Variants in PPM1B observed in about 807,000 individuals in gnomAD.
PPM1B encodes the protein protein phosphatase 1B.
PPM1B carries 22 observed loss-of-function variants against 43.0 expected under a neutral mutation model. That is an observed-to-expected ratio of 0.51 (90% CI 0.37 to 0.73). The LOEUF is 0.73. PPM1B is among the 30% of genes least tolerant of loss of function. PPM1B has a pLI of 0.00. For synonymous variants in PPM1B, 217 were observed against 197.9 expected (o/e 1.10, Z -0.81); for missense variants, 632 against 584.2 (o/e 1.08, Z -0.84).
chr2:44,210,912 C>T (rs893742785), intron 3 of PPM1B, among the ~76,000 whole-genome samples: 12 of 152,090 alleles, frequency 7.9e-5, no homozygotes, highest in South Asian at 2.1e-4. Context: ...CTGAGGTGCA[C>T]GGCTCACGAG....
chr2:44,208,456 T>TA (rs1353315521), intron 2 of PPM1B, among the ~76,000 whole-genome samples: 1 of 151,968 alleles, frequency 6.6e-6, no homozygotes, highest in African/African-American at 2.4e-5. Context: ...CTCATGCCTA[T>TA]AATCCCAGCA....
intron 5 of PPM1B, among the ~76,000 whole-genome samples, chr2:44,243,621 C>A (rs1323053942): frequency 6.6e-6 from 1 of 152,072 alleles, no homozygotes; most frequent in Non-Finnish European, 1.5e-5. Flanking sequence ...ATAAGCCAAT[C>A]TTTTCTCATT....
chr2:44,220,957 TGTG>T (rs927858243), intron 5 of PPM1B, among the ~76,000 whole-genome samples: 4 of 152,224 alleles, frequency 2.6e-5, no homozygotes, highest in Non-Finnish European at 5.9e-5. Flanking sequence ...AGAGAACTGT[TGTG>T]GTGAAAAATA....
intron 1 of PPM1B, among the ~76,000 whole-genome samples, chr2:44,183,475 C>G (rs887143931): frequency 2.0e-5 from 3 of 152,162 alleles, no homozygotes; most frequent in Admixed American, 6.5e-5. Context: ...TCAAGTACAG[C>G]TGGATACTGG....
chr2:44,223,985 A>C (rs1445638291), intron 5 of PPM1B, among the ~76,000 whole-genome samples: 1 of 152,138 alleles, frequency 6.6e-6, no homozygotes, highest in African/African-American at 2.4e-5. Flanking sequence ...ATGATTCTTC[A>C]AGTAACATGT....
chr2:44,187,052 T>G (rs1383441039), intron 1 of PPM1B, among the ~76,000 whole-genome samples: 1 of 152,230 alleles, frequency 6.6e-6, no homozygotes, highest in East Asian at 1.9e-4. Flanking sequence ...CTTGCAAAAC[T>G]GAAACTCTAT....
At chr2:44,178,490 A>G (rs1194516057) in intron 1 of PPM1B, among the ~76,000 whole-genome samples, 2 of 144,750 alleles carry the variant, frequency 1.4e-5, no homozygotes, top group East Asian at 4.0e-4. Flanking sequence ...TTTTTTAGAC[A>G]GAGTTTCGCT....
Position 44,217,938 on chromosome 2 carries a change from T to C in PPM1B, c.965-29T>C, listed in dbSNP as rs573887228. 1.0e-4 allele frequency: 154 copies of C among 1,488,110 alleles called. 1 individual carries two copies. In the South Asian group the frequency reaches 1.9e-3, roughly 18 times the overall value. The allele number at this position is 1,488,110 out of a possible 1,614,324, so 92.2% of individuals were successfully genotyped here. ...GGTGAGTACTGGCTTATCACATTAA[T>C]TTAGGAACTTTTTTTAAAAAACCTA... On this transcript the variant is annotated intron_variant, in intron 3 of 5. Transcript: ENST00000282412.
At chr2:44,196,068 A>G (rs1257676046) in intron 1 of PPM1B, among the ~76,000 whole-genome samples, 1 of 152,230 alleles carries the variant, frequency 6.6e-6, no homozygotes, top group Non-Finnish European at 1.5e-5. Flanking sequence ...TGTCCACTTG[A>G]ACCCTTACAA....
chr2:44,220,041 G>A (rs553172121), intron 5 of PPM1B, among the ~76,000 whole-genome samples: 3 of 152,118 alleles, frequency 2.0e-5, no homozygotes, highest in South Asian at 4.2e-4. Context: ...AATGAGTATA[G>A]GATGTTGACA....
intron 5 of PPM1B, among the ~76,000 whole-genome samples, chr2:44,224,260 C>G (rs1261063664): frequency 6.6e-6 from 1 of 152,048 alleles, no homozygotes; most frequent in Non-Finnish European, 1.5e-5. Context: ...TTGAGACCAT[C>G]CTGGCTAACA....
At chr2:44,226,735 C>G (rs1023944876) in intron 5 of PPM1B, among the ~76,000 whole-genome samples, 1 of 66,692 alleles carries the variant, frequency 1.5e-5, no homozygotes, top group Non-Finnish European at 2.6e-5. Context: ...AGGTTTTTAT[C>G]TTTTTTTTTT....
chr2:44,205,380 T>TGTGTGTGTAA (rs3841859), intron 2 of PPM1B, among the ~76,000 whole-genome samples: 11 of 150,638 alleles, frequency 7.3e-5, no homozygotes, highest in African/African-American at 2.7e-4. Flanking sequence ...TGTGTGTGTG[T>TGTGTGTGTAA]AAGTGTCTGT....
At chr2:44,215,659 A>C (rs1669686591) in intron 3 of PPM1B, among the ~76,000 whole-genome samples, 1 of 152,198 alleles carries the variant, frequency 6.6e-6, no homozygotes, top group Non-Finnish European at 1.5e-5. Context: ...AACAGGGAAT[A>C]GTAGTTCACC....
intron 1 of PPM1B, among the ~76,000 whole-genome samples, chr2:44,197,156 C>T (rs748000287): frequency 6.6e-6 from 1 of 152,112 alleles, no homozygotes; most frequent in African/African-American, 2.4e-5. Flanking sequence ...GCTGTGTCAC[C>T]TGTCATACCA....
At chr2:44,170,300 C>T (rs1667269631) in intron 1 of PPM1B, among the ~76,000 whole-genome samples, 1 of 152,160 alleles carries the variant, frequency 6.6e-6, no homozygotes, top group Non-Finnish European at 1.5e-5. Flanking sequence ...TTGATAGTCA[C>T]AGTTAAAGAG....
intron 3 of PPM1B, among the ~76,000 whole-genome samples, chr2:44,209,713 G>GT (rs1669366834): frequency 2.6e-5 from 4 of 151,060 alleles, no homozygotes; most frequent in African/African-American, 9.8e-5. Flanking sequence ...GGAGGTGGAG[G>GT]TTGCAGTGAG....
At chr2:44,228,936 A>G (rs112805094) in intron 5 of PPM1B, among the ~76,000 whole-genome samples, 1 of 152,118 alleles carries the variant, frequency 6.6e-6, no homozygotes, top group African/African-American at 2.4e-5. Context: ...TAATCCCAGC[A>G]CTTTGGGAGG....
chr2:44,232,924 A>T, downstream of PPM1B: 1 of 977,304 alleles, frequency 1.0e-6, no homozygotes, highest in Non-Finnish European at 1.2e-6. Context: ...TCCAAATTGT[A>T]ATGTTGCCTT....
Sources: allele counts gnomAD v4.1 joint callset (sites outside exome capture counted in the v4.1 genomes callset), GRCh38; gene constraint gnomAD v4.1.1; transcripts MANE v1.5; gene names NCBI Gene and HGNC (gene_info 2026-07-23, HGNC 2026-07-21).